Variants in HIP1R observed in about 807,000 individuals in gnomAD.
HIP1R encodes huntingtin-interacting protein 1-related protein.
HIP1R carries 135 observed loss-of-function variants against 144.2 expected under a neutral mutation model. The ratio of observed to expected loss-of-function variants is 0.94; its 90% CI spans 0.81 to 1.08. HIP1R has a LOEUF of 1.08. HIP1R is among the 50% of genes least tolerant of loss of function. The pLI is 0.00. For synonymous variants in HIP1R, 698 were observed against 612.8 expected (o/e 1.14, Z -2.05); for missense variants, 1,462 against 1,432.8 (o/e 1.02, Z -0.33).
chr12:122,851,016 A>C, intron 6 of HIP1R, 105 bp downstream of exon 6: 1 of 1,036,536 alleles, frequency 9.6e-7, no homozygotes, highest in South Asian at 1.4e-5. Context: ...GGGTTGAATG[A>C]GTCCGTGGCT....
chr12:122,860,842 G>T, intron 28 of HIP1R, 58 bp downstream of exon 28: 1 of 1,596,628 alleles, frequency 6.3e-7, no homozygotes, highest in Non-Finnish European at 8.5e-7. Flanking sequence ...GGCCTGGGCT[G>T]TGGCTGCCAA....
At chr12:122,850,013 C>A in intron 5 of HIP1R, 58 bp downstream of exon 5, 1 of 1,140,172 alleles carries the variant, frequency 8.8e-7, no homozygotes, top group Non-Finnish European at 1.3e-6. Flanking sequence ...CCCACTGTGA[C>A]GTTATGGCAC....
At position 122,858,137 on chromosome 12, in the gene HIP1R, G is replaced by A. The variant is rs372633477; in HGVS notation, c.1851G>A (p.Leu617=). 5.0e-6 allele frequency: 8 copies of A among 1,600,256 alleles called. No homozygotes were observed. In the African/African-American group the frequency reaches 6.7e-5, roughly 13 times the overall value. ...SQEQGLRQRL[L]DEQFAVLRGA... is the part of the protein sequence containing the mutation. ...AGCAGGGGCTGCGGCAGAGGCTGCT[G>A]GACGAGCAGTTCGCAGTGTTGCGGG... Residue 617 remains leucine, a synonymous_variant, in exon 19 of 32, where the codon CTG becomes CTA. Coordinates refer to ENST00000253083, the MANE Select transcript of HIP1R (RefSeq NM_003959.3).
At chr12:122,851,167 G>A in intron 6 of HIP1R, 69 bp from the exon 7 acceptor site, 1 of 1,369,856 alleles carries the variant, frequency 7.3e-7, no homozygotes, top group Non-Finnish European at 9.8e-7. Context: ...CCACTGGAGG[G>A]GGCGTCTCAG....
Position 122,855,419 on chromosome 12 carries a change from C to T in HIP1R, c.993+14C>T. 2 of 1,555,014 alleles carry T rather than the reference C, an allele frequency of 1.3e-6. No individual in the cohort carries two copies. The highest frequency in any genetic ancestry group is 2.4e-5 in the East Asian group (1 of 41,276). On this transcript the variant is annotated intron_variant, in intron 11 of 31. Coordinates refer to ENST00000253083, the MANE Select transcript of HIP1R (RefSeq NM_003959.3). ...GGGGAGCCAGTGGTGAGCCCCCTGC[C>T]CAGCCCGTGTCCCCCAGTCCTCCAG... is the stretch of plus-strand genomic sequence containing the variant.
intron 1 of HIP1R, among the ~76,000 whole-genome samples, chr12:122,847,650 CT>C (rs748025034): frequency 7.9e-5 from 12 of 152,222 alleles, no homozygotes; most frequent in Non-Finnish European, 1.6e-4. Context: ...GGGCTCCAGT[CT>C]CAGCTGCTTT....
At chr12:122,855,015 G>A (rs370429031) in intron 9 of HIP1R, 38 bp from the exon 10 acceptor site, 2 of 1,613,448 alleles carry the variant, frequency 1.2e-6, no homozygotes, top group African/African-American at 2.7e-5. Flanking sequence ...AGGCTCCGTG[G>A]CCCCTTCCTG....
chr12:122,854,139 A>G lies in HIP1R; in HGVS notation c.674A>G (p.His225Arg). ...ATCCAGGTCATCCAGGACTGCAGCC[A>G]CCTCTACCACTACACGGTCAAGCTC... ...PLIQVIQDCS[H>R]LYHYTVKLLF... The change falls in exon 8 of 32, where the codon CAC (histidine) becomes CGC (arginine). Residue 225 changes from histidine to arginine, a missense_variant. Transcript: ENST00000253083. 6.2e-7 allele frequency: 1 copy of G among 1,613,632 alleles called. No individual in the cohort carries two copies. The highest frequency in any genetic ancestry group is 8.5e-7 in the Non-Finnish European group (1 of 1,179,894).
At chr12:122,857,348 G>T in intron 18 of HIP1R, 133 bp downstream of exon 18, 1 of 860,872 alleles carries the variant, frequency 1.2e-6, no homozygotes, top group South Asian at 1.5e-5. Context: ...TTTTGTGTCC[G>T]GCTTCTTCAC....
At chr12:122,848,767 C>T in intron 3 of HIP1R, 29 bp from the exon 4 acceptor site, 1 of 1,612,216 alleles carries the variant, frequency 6.2e-7, no homozygotes. Context: ...CCTGGACACT[C>T]CCCCACTCCC....
Position 122,836,098 on chromosome 12 carries a change from T to C in HIP1R, c.93+455T>C, listed in dbSNP as rs143280537. Among the ~76,000 whole-genome samples, 172 of 152,016 alleles carry C rather than the reference T, an allele frequency of 1.1e-3. 4 individuals carry two copies. In the East Asian group the frequency reaches 0.033, roughly 29 times the overall value. ...TGGGGTCCCCGACCTTCCGTGCCGC[T>C]CCTTGCCGGCTCCTGCCCCCGTCTC... On this transcript the variant is annotated intron_variant, in intron 1 of 31. Coordinates refer to ENST00000253083, the MANE Select transcript of HIP1R (RefSeq NM_003959.3). This position sits in a 1 kb window ranked among gnomAD's most constrained non-coding sequence, Gnocchi z 4.1.
At chr12:122,835,834 G>C (rs2135621186) in intron 1 of HIP1R, among the ~76,000 whole-genome samples, 191 bp downstream of exon 1, 1 of 149,400 alleles carries the variant, frequency 6.7e-6, no homozygotes, top group Non-Finnish European at 1.5e-5. Flanking sequence ...GGCCTCCGCG[G>C]CCCGAGCCGA....
At chr12:122,858,552 C>A in intron 20 of HIP1R, 117 bp downstream of exon 20, 2 of 812,668 alleles carry the variant, frequency 2.5e-6, no homozygotes, top group Non-Finnish European at 1.9e-6. Flanking sequence ...GGAAGCCAAG[C>A]AGATGCCCCC....
chr12:122,856,735 G>A lies in HIP1R; in HGVS notation c.1620+9G>A. 1 of 1,559,920 alleles carries A rather than the reference G, an allele frequency of 6.4e-7. No homozygotes were observed. On this transcript the variant is annotated intron_variant, in intron 17 of 31. Coordinates refer to ENST00000253083, the MANE Select transcript of HIP1R (RefSeq NM_003959.3). ...TGAGCCACACAGAGCAGGTGCATCT[G>A]GCTTTGATGACTGGAGGTGGGGTTC...
intron 1 of HIP1R, 116 bp from the exon 2 acceptor site, chr12:122,847,915 C>A: frequency 1.1e-6 from 1 of 878,804 alleles, no homozygotes; most frequent in South Asian, 1.8e-5. Flanking sequence ...CCCCATCGCT[C>A]CACTGGCCTT....
rs2033780618 is a variant in HIP1R, at chr12:122,861,763, G to T, written c.*10G>T. 6.2e-7 allele frequency: 1 copy of T among 1,613,552 alleles called. No homozygotes were observed. Among genetic ancestry groups the T allele is most frequent in the Non-Finnish European group, 8.5e-7 (1 of 1,179,770 alleles). The stretch of plus-strand genomic sequence containing the variant: ...ACTCGTGAACTACTAGGCCCCCCAG[G>T]GGTCCAGCAGGGTGGCTGGTGACAG... On this transcript the variant is annotated 3_prime_UTR_variant, in exon 32 of 32. Transcript: ENST00000253083.
chr12:122,858,067 G>C, intron 18 of HIP1R, 35 bp from the exon 19 acceptor site: 2 of 1,442,568 alleles, frequency 1.4e-6, no homozygotes, highest in Non-Finnish European at 1.8e-6. Flanking sequence ...CCTTGGGGAG[G>C]ATCTCTAACC....
At chr12:122,847,650 C>G (rs775511578) in intron 1 of HIP1R, among the ~76,000 whole-genome samples, 5 of 152,222 alleles carry the variant, frequency 3.3e-5, no homozygotes, top group Non-Finnish European at 7.3e-5. Context: ...GGGCTCCAGT[C>G]TCAGCTGCTT....
chr12:122,860,687 C>T lies in HIP1R; in HGVS notation c.2669C>T (p.Ala890Val). 6.2e-7 allele frequency: 1 copy of T among 1,613,320 alleles called. No individual in the cohort carries two copies. The highest frequency in any genetic ancestry group is 8.5e-7 in the Non-Finnish European group (1 of 1,179,908). The change falls in exon 28 of 32, where the codon GCT becomes GTT. Residue 890 changes from alanine to valine, a missense_variant. Ala to Val is a moderately conservative substitution (Grantham distance 64, BLOSUM62 0). This residue lies in a region of HIP1R where 1,112 missense variants were observed against 1,011.7 expected (regional missense o/e 1.10). Coordinates refer to ENST00000253083, the MANE Select transcript of HIP1R (RefSeq NM_003959.3). Reference protein sequence around the residue: ...GWGATQLVEAADKVVLHTGKY... With the variant: ...GWGATQLVEAVDKVVLHTGKY... ...TGGCCCTTGACCCGCAGGGAGGCAG[C>T]TGACAAGGTGGTGCTTCACACGGGC...
Sources: allele counts gnomAD v4.1 joint callset (sites outside exome capture counted in the v4.1 genomes callset), GRCh38; gene constraint gnomAD v4.1.1; regional missense constraint gnomAD v4.1.1; non-coding constraint Gnocchi (gnomAD v3.1); transcripts MANE v1.5; gene names NCBI Gene and HGNC (gene_info 2026-07-23, HGNC 2026-07-21).